The following IQCB1 variants were observed in gnomAD, a reference collection of about 807,000 sequenced individuals.
IQCB1 encodes IQ calmodulin-binding motif-containing protein 1.
Under a neutral mutation model 84.4 loss-of-function variants are expected in IQCB1, and 56 were observed. That is an observed-to-expected ratio of 0.66 (90% CI 0.54 to 0.83). The LOEUF (loss-of-function observed/expected upper bound fraction) is 0.83, where lower values mean the gene tolerates loss of function less well. Among genes scored for constraint, IQCB1 ranks in the 40% least tolerant of loss-of-function variants. The probability of loss-of-function intolerance (pLI) is 0.00; values close to 1 mark genes in which losing one functional copy is unlikely to be tolerated. For missense variants in IQCB1, 629 were observed against 682.1 expected (o/e 0.92, Z 0.87); for synonymous variants, 210 against 234.8 (o/e 0.89, Z 0.96).
chr3:121,828,883 AG>A lies in IQCB1; in HGVS notation c.77del (p.Pro26LeufsTer5). 6.2e-7 allele frequency: 1 copy of A among 1,602,694 alleles called. No individual in the cohort carries two copies. Among genetic ancestry groups the A allele is most frequent in the Non-Finnish European group, 8.5e-7 (1 of 1,170,708 alleles). ...TACCTTTTAACTTCAACAGTATAAC[AG>A]GGACATTCTGCTCAGGGCTTTTTGC... is the stretch of plus-strand genomic sequence containing the variant. ...EVAKSPEQNVPVILLKLKEII... is the reference protein window; with the variant it reads ...EVAKSPEQNVXVILLKLKEII... On this transcript the variant is annotated frameshift_variant, in exon 3 of 15. Transcript: ENST00000310864. LOFTEE classifies it high-confidence loss of function.
chr3:121,789,581 A>T (rs191570708), intron 11 of IQCB1, among the ~76,000 whole-genome samples: 6 of 152,328 alleles, frequency 3.9e-5, no homozygotes, highest in Admixed American at 2.6e-4. Context: ...CCCTGGATTG[A>T]ATAACAAGAA....
chr3:121,813,683 T>A (rs2108607491), intron 5 of IQCB1, among the ~76,000 whole-genome samples: 1 of 152,290 alleles, frequency 6.6e-6, no homozygotes, highest in East Asian at 1.9e-4. Context: ...AGAAGGGCAT[T>A]ATGTAATGGT....
chr3:121,783,603 A>G (rs967490711), intron 12 of IQCB1, among the ~76,000 whole-genome samples: 1 of 152,038 alleles, frequency 6.6e-6, no homozygotes, highest in African/African-American at 2.4e-5. Flanking sequence ...CTCTGCCCTA[A>G]TTTTCTACAC....
intron 12 of IQCB1, among the ~76,000 whole-genome samples, chr3:121,784,181 C>T (rs1479108742): frequency 7.9e-6 from 1 of 126,092 alleles, no homozygotes; most frequent in Non-Finnish European, 1.6e-5. Context: ...GTAGTCTTTT[C>T]TATCCATCTT....
At chr3:121,781,649 A>G (rs1008328350) in intron 13 of IQCB1, 94 bp downstream of exon 13, 4 of 1,097,798 alleles carry the variant, frequency 3.6e-6, no homozygotes, top group Non-Finnish European at 5.5e-6. Flanking sequence ...ACACACACAC[A>G]CACACACACA....
chr3:121,772,923 C>CT (rs1438481086), intron 13 of IQCB1, among the ~76,000 whole-genome samples: 7 of 151,732 alleles, frequency 4.6e-5, no homozygotes, highest in African/African-American at 1.7e-4. Context: ...TTTTGTCTTT[C>CT]TTTTTTGTAT....
chr3:121,796,261 C>T (rs1949191592), intron 9 of IQCB1, among the ~76,000 whole-genome samples: 1 of 152,180 alleles, frequency 6.6e-6, no homozygotes, highest in South Asian at 2.1e-4. Context: ...TCCAGCCTCC[C>T]CCAACCCATT....
chr3:121,775,330 T>C (rs2108511861), intron 13 of IQCB1, among the ~76,000 whole-genome samples: 1 of 152,320 alleles, frequency 6.6e-6, no homozygotes, highest in African/African-American at 2.4e-5. Context: ...TGCAGAGACA[T>C]GGATGAAGCT....
At chr3:121,784,603 T>C (rs796196304) in intron 12 of IQCB1, among the ~76,000 whole-genome samples, 7 of 152,330 alleles carry the variant, frequency 4.6e-5, no homozygotes, top group African/African-American at 1.7e-4. Context: ...TCCTTAGATA[T>C]TCAGTGATAC....
chr3:121,819,699 T>G (rs1457884287), intron 5 of IQCB1, among the ~76,000 whole-genome samples: 1 of 152,174 alleles, frequency 6.6e-6, no homozygotes, highest in African/African-American at 2.4e-5. Context: ...GAAACAAATA[T>G]CATGCTGAAT....
At chr3:121,788,518 T>C in intron 11 of IQCB1, 86 bp from the exon 12 acceptor site, 2 of 1,231,356 alleles carry the variant, frequency 1.6e-6, no homozygotes, top group South Asian at 1.2e-5. Flanking sequence ...ATAATAATCT[T>C]GCATTCTTTT....
intron 12 of IQCB1, among the ~76,000 whole-genome samples, chr3:121,785,444 G>T (rs923282899): frequency 2.0e-5 from 3 of 151,958 alleles, no homozygotes; most frequent in African/African-American, 4.8e-5. Flanking sequence ...TAGTAGAGAT[G>T]AGGTTTTGCG....
rs940481770 is a variant in IQCB1, at chr3:121,835,023, A to C, written c.-159T>G. ...ACCTGGGGCTCCCACGCCGCACTAC[A>C]GCGCCGCGGCCTTCCGGGGCAGCGT... On this transcript the variant is annotated 5_prime_UTR_variant, in exon 1 of 15. Coordinates refer to ENST00000310864, the MANE Select transcript of IQCB1 (RefSeq NM_001023570.4). 5 of 557,708 alleles carry C rather than the reference A, an allele frequency of 9.0e-6. No homozygotes were observed. The South Asian group carries it at 1.1e-4, about 12-fold the overall frequency. The allele number at this position is 557,708 out of a possible 1,614,324, so 34.5% of individuals were successfully genotyped here.
chr3:121,802,164 T>C (rs1384280534), intron 7 of IQCB1, among the ~76,000 whole-genome samples: 1 of 152,102 alleles, frequency 6.6e-6, no homozygotes, highest in African/African-American at 2.4e-5. Flanking sequence ...GTTGTAAGTG[T>C]TTCCTCCTTT....
intron 7 of IQCB1, among the ~76,000 whole-genome samples, chr3:121,804,267 C>A: frequency 6.6e-6 from 1 of 152,050 alleles, no homozygotes; most frequent in Admixed American, 6.5e-5. Context: ...ACATATGTTC[C>A]TCAAATACAG....
intron 5 of IQCB1, among the ~76,000 whole-genome samples, chr3:121,820,624 C>T (rs919990252): frequency 6.6e-6 from 1 of 152,150 alleles, no homozygotes; most frequent in Admixed American, 6.5e-5. Context: ...GGGATTGCAT[C>T]CTTTTTCCCA....
intron 11 of IQCB1, among the ~76,000 whole-genome samples, chr3:121,789,000 G>C (rs756645084): frequency 1.3e-5 from 2 of 152,142 alleles, no homozygotes; most frequent in Non-Finnish European, 2.9e-5. Flanking sequence ...TGGATACGGA[G>C]GTAAAAGAGG....
chr3:121,796,967 A>G (rs1949215769), intron 9 of IQCB1, 151 bp downstream of exon 9: 1 of 636,410 alleles, frequency 1.6e-6, no homozygotes, highest in East Asian at 2.8e-5. Context: ...TCCTGCCTCA[A>G]CCTCCTGAGT....
intron 6 of IQCB1, 71 bp downstream of exon 6, chr3:121,808,845 G>GA (rs1210698342): frequency 6.4e-6 from 6 of 939,612 alleles, no homozygotes; most frequent in South Asian, 4.0e-5. Context: ...TTTGTTTTTG[G>GA]AAAAAACGAT....
Sources: gnomAD v4.1 joint callset for allele counts (sites outside exome capture counted in the v4.1 genomes callset) on GRCh38, gnomAD v4.1.1 for gene constraint, MANE v1.5 for transcripts, NCBI Gene and HGNC (gene_info 2026-07-23, HGNC 2026-07-21) for gene names.